The following AGK variants were observed in gnomAD, a reference collection of about 807,000 sequenced individuals.
The protein encoded by AGK is acylglycerol kinase, mitochondrial.
AGK carries 52 observed loss-of-function variants against 66.4 expected under a neutral mutation model. The observed-to-expected ratio is 0.78, with a 90% CI of 0.63 to 0.99. The LOEUF is 0.99. Ranked by LOEUF, AGK falls within the 50% of genes least tolerant of loss-of-function variation. The pLI is 0.00. For missense variants in AGK, 451 were observed against 506.6 expected (o/e 0.89, Z 1.05); for synonymous variants, 182 against 181.1 (o/e 1.00, Z -0.04).
At chr7:141,599,186 A>G (rs1327121923) in intron 4 of AGK, 1 of 152,176 alleles carries the variant, frequency 6.6e-6, no homozygotes, top group Non-Finnish European at 1.5e-5. Flanking sequence ...GTCCTGACAC[A>G]TAATTTATAA....
intron 11 of AGK, among the ~76,000 whole-genome samples, chr7:141,639,716 T>C (rs1025852063): frequency 6.6e-6 from 1 of 152,090 alleles, no homozygotes; most frequent in African/African-American, 2.4e-5. Flanking sequence ...GGAGGAGGCT[T>C]AGGATTATCA....
chr7:141,625,520 CA>C (rs1157336537), intron 9 of AGK, among the ~76,000 whole-genome samples: 2 of 151,972 alleles, frequency 1.3e-5, no homozygotes, highest in African/African-American at 4.8e-5. Context: ...TAATTTTTTA[CA>C]AAGTTTTTTT....
rs34103037 is a variant in AGK, at chr7:141,649,013, T to C, written c.976-250T>C. The C allele has an allele frequency of 0.026, 9,221 of 356,860 alleles. 260 individuals carry two copies. The highest frequency in any genetic ancestry group is 0.13 in the South Asian group (1,806 of 14,424). 22.1% of individuals were successfully genotyped at this position (356,860 alleles called of 1,614,324 possible). On this transcript the variant is annotated intron_variant, in intron 13 of 15. Coordinates refer to ENST00000649286, the MANE Select transcript of AGK (RefSeq NM_018238.4). ...CGTCCAGAACCTCCCACTCTGAGTT[T>C]TGTTTGCTTATGTAGTAAAAAAAAA...
chr7:141,600,639 G>A (rs760159543), intron 4 of AGK, among the ~76,000 whole-genome samples: 40 of 152,100 alleles, frequency 2.6e-4, no homozygotes, highest in Non-Finnish European at 5.6e-4. Flanking sequence ...TTTATTTTTA[G>A]AACGCTTCCA....
At chr7:141,584,839 C>T (rs1040684613) in intron 2 of AGK, among the ~76,000 whole-genome samples, 1 of 152,180 alleles carries the variant, frequency 6.6e-6, no homozygotes, top group Admixed American at 6.5e-5. Flanking sequence ...ATCTTCTAAG[C>T]ACTCTAAGGG....
At chr7:141,618,129 A>G (rs1236446617) in intron 8 of AGK, among the ~76,000 whole-genome samples, 1 of 152,208 alleles carries the variant, frequency 6.6e-6, no homozygotes, top group Non-Finnish European at 1.5e-5. Context: ...TGTTAGAAAC[A>G]CTGGTTTAGG....
Position 141,593,196 on chromosome 7 carries a change from T to C in AGK, c.141+11T>C, listed in dbSNP as rs1226620588. 3 of 1,611,622 alleles carry C rather than the reference T, an allele frequency of 1.9e-6. No homozygotes were observed. The highest frequency in any genetic ancestry group is 1.7e-5 in the Admixed American group (1 of 60,012). On this transcript the variant is annotated intron_variant, in intron 3 of 15. Transcript: ENST00000649286. ...TGTCAAGAAGCTCAGGTAATACTACTTAATGTGATAAAATTAAGCCCCTCC... is the reference window on the plus strand; with the variant it reads ...TGTCAAGAAGCTCAGGTAATACTACCTAATGTGATAAAATTAAGCCCCTCC...
intron 9 of AGK, among the ~76,000 whole-genome samples, chr7:141,629,809 A>G (rs953012298): frequency 6.6e-6 from 1 of 152,070 alleles, no homozygotes; most frequent in African/African-American, 2.4e-5. Context: ...AAGAGAAAAC[A>G]GGGTTAGAGG....
At position 141,555,471 on chromosome 7, in the gene AGK, C is replaced by T. The variant is rs374309273; in HGVS notation, c.5C>T (p.Thr2Met). The T allele has an allele frequency of 1.5e-5, 24 of 1,612,772 alleles. No homozygotes were observed. Among genetic ancestry groups the T allele is most frequent in the African/African-American group, 6.7e-5 (5 of 74,880 alleles). The change falls in exon 2 of 16, where the codon ACG (threonine) becomes ATG (methionine). Residue 2 changes from threonine to methionine, a missense_variant. Coordinates refer to ENST00000649286, the MANE Select transcript of AGK (RefSeq NM_018238.4). The surrounding 1 kb of genome is among the most constrained non-coding windows in gnomAD (Gnocchi z 4.2). The part of the protein sequence containing the change: M[T>M]VFFKTLRNHW... ...AACCTAGCAAATCTCTAGAAGATGA[C>T]GGTGTTCTTTAAAACGCTTCGAAAT...
chr7:141,565,856 C>G (rs1267343057), intron 2 of AGK, among the ~76,000 whole-genome samples: 3 of 152,148 alleles, frequency 2.0e-5, no homozygotes, highest in African/African-American at 7.2e-5. Context: ...GTTCTGGCAC[C>G]TACTTTTGCC....
At chr7:141,645,376 C>A (rs1213906927) in intron 13 of AGK, among the ~76,000 whole-genome samples, 1 of 152,058 alleles carries the variant, frequency 6.6e-6, no homozygotes, top group Non-Finnish European at 1.5e-5. Context: ...ATTTTTATAT[C>A]AATGCTGAAT....
intron 7 of AGK, 58 bp downstream of exon 7, chr7:141,614,236 TTTTC>T (rs1796657975): frequency 8.7e-6 from 11 of 1,261,482 alleles, no homozygotes; most frequent in Non-Finnish European, 1.2e-5. Flanking sequence ...TTTTTATTGC[TTTTC>T]TTTCTTTTAC....
intron 14 of AGK, among the ~76,000 whole-genome samples, chr7:141,649,734 T>C (rs114098407): frequency 0.01 from 1,553 of 152,376 alleles, 27 homozygotes; most frequent in African/African-American, 0.035. Context: ...TCTCTGCCGA[T>C]CTCAGGACTG....
At chr7:141,624,230 T>C (rs1796887295) in intron 9 of AGK, among the ~76,000 whole-genome samples, 1 of 152,164 alleles carries the variant, frequency 6.6e-6, no homozygotes, top group Non-Finnish European at 1.5e-5. Flanking sequence ...CTTTCAAGTT[T>C]TATTATTTAA....
In AGK at chr7:141,633,886, G is replaced by A; in HGVS notation, c.589-15G>A. ...TTATAGTCATGAATTTAAATGAAAT[G>A]TATTTAACTTCCAGGGTGAAAAGGA... On this transcript the variant is annotated splice_polypyrimidine_tract_variant and intron_variant, in intron 9 of 15. Coordinates refer to ENST00000649286, the MANE Select transcript of AGK (RefSeq NM_018238.4). 4.4e-6 allele frequency: 7 copies of A among 1,605,126 alleles called. No homozygotes were observed. Among genetic ancestry groups the A allele is most frequent in the Non-Finnish European group, 6.0e-6 (7 of 1,171,858 alleles).
At chr7:141,622,090 C>G (rs1223630467) in intron 9 of AGK, among the ~76,000 whole-genome samples, 1 of 150,696 alleles carries the variant, frequency 6.6e-6, no homozygotes, top group African/African-American at 2.4e-5. Flanking sequence ...GTACACTTAG[C>G]TACTTTTTTT....
chr7:141,619,861 T>C (rs1796787282), intron 8 of AGK, among the ~76,000 whole-genome samples: 1 of 152,204 alleles, frequency 6.6e-6, no homozygotes. Flanking sequence ...GAAATGAAGA[T>C]ATATGTCCGT....
At chr7:141,628,980 C>T (rs528655347) in intron 9 of AGK, among the ~76,000 whole-genome samples, 3 of 152,156 alleles carry the variant, frequency 2.0e-5, no homozygotes, top group Admixed American at 6.6e-5. Context: ...CAACCCAGAA[C>T]CAAATAAGGC....
chr7:141,601,837 A>G (rs1796351630), intron 5 of AGK, among the ~76,000 whole-genome samples: 1 of 152,212 alleles, frequency 6.6e-6, no homozygotes, highest in Non-Finnish European at 1.5e-5. Flanking sequence ...ATGTGTATAT[A>G]GTGAAAACCT....
Sources: gnomAD v4.1 joint callset for allele counts (sites outside exome capture counted in the v4.1 genomes callset) on GRCh38, gnomAD v4.1.1 for gene constraint, Gnocchi (gnomAD v3.1) non-coding constraint, MANE v1.5 for transcripts, NCBI Gene and HGNC (gene_info 2026-07-23, HGNC 2026-07-21) for gene names.